TMEFF2: variants seen among roughly 807,000 people sequenced by gnomAD.
TMEFF2 encodes the protein transmembrane protein with EGF like and two follistatin like domains 2, also known as tomoregulin-2.
A neutral mutation model predicts 53.8 loss-of-function variants in TMEFF2; 28 were observed. The observed-to-expected ratio is 0.52, with a 90% CI of 0.39 to 0.71. The LOEUF is 0.71. TMEFF2 is among the 30% of genes least tolerant of loss of function. The probability of loss-of-function intolerance (pLI) is 0.00; values close to 1 mark genes in which losing one functional copy is unlikely to be tolerated. For missense variants in TMEFF2, 353 were observed against 455.2 expected, an observed-to-expected ratio of 0.78 and a Z score of 2.04; for synonymous variants, 162 against 166.3, an observed-to-expected ratio of 0.97 and a Z score of 0.20.
intron 4 of TMEFF2, among the ~76,000 whole-genome samples, chr2:192,129,074 G>T (rs757820641): frequency 1.1e-4 from 16 of 152,088 alleles, no homozygotes; most frequent in Admixed American, 2.6e-4. Flanking sequence ...ACACCCCCTG[G>T]CCTGGGGCCC....
rs1264255738 is a variant in TMEFF2 at position 192,194,352 on chromosome 2, C to T, written c.172+1G>A. The T allele has an allele frequency of 1.9e-6, 3 of 1,613,892 alleles. No homozygotes were observed. The highest frequency in any genetic ancestry group is 2.7e-5 in the African/African-American group (2 of 74,912). On this transcript the variant is annotated splice_donor_variant, in intron 1 of 9. Transcript: ENST00000272771. LOFTEE classifies it high-confidence loss of function. The surrounding 1 kb of genome is among the most constrained non-coding windows in gnomAD (Gnocchi z 4.2). Reference sequence around the variant, plus strand: ...GTCGGGGACGGGGGTTCTGGACTTACCAGAGCAATTCCAGCCGGTGGGCGT... The same window carrying T: ...GTCGGGGACGGGGGTTCTGGACTTATCAGAGCAATTCCAGCCGGTGGGCGT...
At chr2:192,117,955 A>T (rs1419990242) in intron 4 of TMEFF2, among the ~76,000 whole-genome samples, 1 of 151,836 alleles carries the variant, frequency 6.6e-6, no homozygotes, top group Non-Finnish European at 1.5e-5. Context: ...TGTTTCAATA[A>T]ATCGGTGCTT....
At chr2:192,178,471 T>C (rs539330758) in intron 4 of TMEFF2, 1 of 151,206 alleles carries the variant, frequency 6.6e-6, no homozygotes, top group Non-Finnish European at 1.5e-5. Context: ...TCATGGGACA[T>C]TGAAACATAT....
intron 4 of TMEFF2, among the ~76,000 whole-genome samples, chr2:192,157,520 A>T (rs1040427103): frequency 6.6e-6 from 1 of 152,042 alleles, no homozygotes; most frequent in African/African-American, 2.4e-5. Flanking sequence ...GAAGTGTAAC[A>T]CTTATTTGGA....
chr2:192,078,919 T>A (rs1380323013), intron 4 of TMEFF2, among the ~76,000 whole-genome samples: 1 of 152,204 alleles, frequency 6.6e-6, no homozygotes, highest in Non-Finnish European at 1.5e-5. Context: ...TTCCTACTAA[T>A]GGGATATATA....
chr2:192,082,215 T>C (rs374453717), intron 4 of TMEFF2, among the ~76,000 whole-genome samples: 3 of 152,322 alleles, frequency 2.0e-5, no homozygotes, highest in East Asian at 1.9e-4. Flanking sequence ...ACTGGAGTTT[T>C]TTTAAATCAA....
At chr2:192,136,928 T>A (rs1690022061) in intron 4 of TMEFF2, among the ~76,000 whole-genome samples, 1 of 152,228 alleles carries the variant, frequency 6.6e-6, no homozygotes, top group African/African-American at 2.4e-5. Context: ...GCAGTTATAA[T>A]CTACTTAGGC....
At chr2:192,133,405 T>C (rs1203745021) in intron 4 of TMEFF2, among the ~76,000 whole-genome samples, 1 of 152,132 alleles carries the variant, frequency 6.6e-6, no homozygotes, top group East Asian at 1.9e-4. Flanking sequence ...AATGCCAATA[T>C]CCCATCCCAC....
chr2:191,949,243 T>C lies in TMEFF2; in HGVS notation c.*1068A>G. On this transcript the variant is annotated 3_prime_UTR_variant, in exon 10 of 10. Transcript: ENST00000272771. The stretch of plus-strand genomic sequence containing the variant: ...AATCCATACCAACTTCCCAGTGAGG[T>C]CTTTCAGATGCTATAGGATTAATTT... 3.0e-6 allele frequency: 3 copies of C among 985,336 alleles called. No individual in the cohort carries two copies. Among genetic ancestry groups the C allele is most frequent in the Non-Finnish European group, 3.6e-6 (3 of 829,906 alleles). 61.0% of individuals were successfully genotyped at this position (985,336 alleles called of 1,614,324 possible). A position where few individuals can be genotyped will look rare whatever the true frequency, so the allele number is the denominator to read the frequency against.
In TMEFF2 at chr2:192,075,332, T is replaced by TATAC. The variant is rs796267672; in HGVS notation, c.440-17558_440-17557insGTAT. Among the ~76,000 whole-genome samples, 734 of 88,060 alleles carry TATAC rather than the reference T, an allele frequency of 8.3e-3. 52 individuals carry two copies. Among genetic ancestry groups the TATAC allele is most frequent in the African/African-American group, 0.016 (402 of 24,374 alleles). 57.8% of individuals were successfully genotyped at this position (88,060 alleles called of 152,430 possible). A position where few individuals can be genotyped will look rare whatever the true frequency, so the allele number is the denominator to read the frequency against. ...ATATATATATATATATATATATATA[T>TATAC]ACATACATACTATGTATATCCTTGC... On this transcript the variant is annotated intron_variant, in intron 4 of 9. Coordinates refer to ENST00000272771, the MANE Select transcript of TMEFF2 (RefSeq NM_016192.4).
chr2:192,194,494 T>G lies in TMEFF2; in HGVS notation c.31A>C (p.Ser11Arg). 1 of 1,613,854 alleles carries G rather than the reference T, an allele frequency of 6.2e-7. No homozygotes were observed. The highest frequency in any genetic ancestry group is 8.5e-7 in the Non-Finnish European group (1 of 1,180,004). Residue 11 changes from serine (S) to arginine (R), a missense_variant, in exon 1 of 10, where the codon AGC becomes CGC. Ser to Arg is a moderately radical substitution (Grantham distance 110). This residue lies in a region of TMEFF2 where 54 missense variants were observed against 41.8 expected (regional missense o/e 1.29). Coordinates refer to ENST00000272771, the MANE Select transcript of TMEFF2 (RefSeq NM_016192.4). This position sits in a 1 kb window ranked among gnomAD's most constrained non-coding sequence, Gnocchi z 4.2. ...AAGCCCTCGCAAAGTGTCCAGCTGC[T>G]GCACTGCCGCGGGGACTCCCACAGC... MVLWESPRQCSSWTLCEGFCW... is the reference protein window; with the variant it reads MVLWESPRQCRSWTLCEGFCW...
chr2:192,000,911 A>T (rs958314198), intron 5 of TMEFF2, among the ~76,000 whole-genome samples: 2 of 152,134 alleles, frequency 1.3e-5, no homozygotes, highest in Non-Finnish European at 2.9e-5. Flanking sequence ...CTTAGCTTTG[A>T]TGTTGCCATG....
intron 4 of TMEFF2, among the ~76,000 whole-genome samples, chr2:192,090,506 ACAAT>A (rs1309191076): frequency 6.6e-6 from 1 of 152,118 alleles, no homozygotes; most frequent in East Asian, 1.9e-4. Context: ...TGCCAGGAGG[ACAAT>A]CAGTCAAAAT....
chr2:191,958,502 T>C (rs1692172940), intron 7 of TMEFF2, among the ~76,000 whole-genome samples: 1 of 152,230 alleles, frequency 6.6e-6, no homozygotes, highest in Non-Finnish European at 1.5e-5. Flanking sequence ...TATTTTATTT[T>C]TAACACTGTA....
intron 5 of TMEFF2, among the ~76,000 whole-genome samples, chr2:192,012,261 T>A (rs1167482939): frequency 6.6e-6 from 1 of 152,256 alleles, no homozygotes; most frequent in African/African-American, 2.4e-5. Context: ...ACACTATATA[T>A]GGACATAGCA....
At position 192,012,192 on chromosome 2, in the gene TMEFF2, T is replaced by C. The variant is rs549969422; in HGVS notation, c.537-12984A>G. 1.1e-4 allele frequency among the ~76,000 whole-genome samples: 17 copies of C among 152,328 alleles called. No homozygotes were observed. In the South Asian group the frequency reaches 3.5e-3, roughly 32 times the overall value. On this transcript the variant is annotated intron_variant, in intron 5 of 9. Coordinates refer to ENST00000272771, the MANE Select transcript of TMEFF2 (RefSeq NM_016192.4). ...TGCTGGGATTACAGGCGTGAGCCAC[T>C]GCGCCTGGCCTACATATTATCTTTT...
intron 4 of TMEFF2, among the ~76,000 whole-genome samples, chr2:192,101,867 G>A (rs1689038623): frequency 6.6e-6 from 1 of 152,130 alleles, no homozygotes; most frequent in South Asian, 2.1e-4. Flanking sequence ...ACAAAAACAA[G>A]TATGATGTTA....
intron 4 of TMEFF2, among the ~76,000 whole-genome samples, chr2:192,127,427 C>T (rs901502968): frequency 6.6e-5 from 10 of 152,180 alleles, no homozygotes; most frequent in African/African-American, 2.4e-4. Context: ...CCCTTCCTGC[C>T]TTCTCTCCTA....
chr2:192,063,630 A>T (rs535556258), intron 4 of TMEFF2, among the ~76,000 whole-genome samples: 11 of 151,884 alleles, frequency 7.2e-5, no homozygotes, highest in Middle Eastern at 3.4e-3. Context: ...TAATTGTTTT[A>T]TCTATTACTG....
Sources: allele counts gnomAD v4.1 joint callset (sites outside exome capture counted in the v4.1 genomes callset), GRCh38; gene constraint gnomAD v4.1.1; regional missense constraint gnomAD v4.1.1; non-coding constraint Gnocchi (gnomAD v3.1); transcripts MANE v1.5; gene names NCBI Gene and HGNC (gene_info 2026-07-23, HGNC 2026-07-21).